The following RFFL variants were observed in gnomAD, a reference collection of about 807,000 sequenced individuals.
RFFL encodes the protein E3 ubiquitin-protein ligase rififylin.
Under a neutral mutation model 40.4 loss-of-function variants are expected in RFFL, and 16 were observed. The ratio of observed to expected loss-of-function variants is 0.40; its 90% confidence interval spans 0.27 to 0.60. The LOEUF (loss-of-function observed/expected upper bound fraction) is 0.60. RFFL is among the 20% of genes least tolerant of loss of function. The pLI, the probability that RFFL is intolerant of heterozygous loss-of-function variation, is 0.47. For synonymous variants in RFFL, 154 were observed against 167.9 expected, an observed-to-expected ratio of 0.92 and a Z score of 0.64; for missense variants, 367 against 451.7, an observed-to-expected ratio of 0.81 and a Z score of 1.70.
chr17:35,088,077 T>C (rs865896467), intron 1 of RFFL, among the ~76,000 whole-genome samples: 4 of 152,124 alleles, frequency 2.6e-5, no homozygotes, highest in Non-Finnish European at 4.4e-5. Context: ...CCCAAACAGT[T>C]GCAGCGACAG....
At position 35,011,840 on chromosome 17, in the gene RFFL, T is replaced by A; in HGVS notation, c.*128A>T. 1.1e-6 allele frequency: 1 copy of A among 882,714 alleles called. No homozygotes were observed. The highest frequency in any genetic ancestry group is 1.6e-5 in the South Asian group (1 of 61,942). 54.7% of individuals were successfully genotyped at this position (882,714 alleles called of 1,614,324 possible). On this transcript the variant is annotated 3_prime_UTR_variant, in exon 7 of 7. Transcript: ENST00000394597. The stretch of plus-strand genomic sequence containing the variant: ...GCATGCTCAGGGGTGACATGGCATC[T>A]TGCTTGACCTGGTTTTGGGAACCCT...
intron 1 of RFFL, among the ~76,000 whole-genome samples, chr17:35,047,827 C>A (rs185639423): frequency 6.6e-6 from 1 of 151,764 alleles, no homozygotes; most frequent in East Asian, 2.0e-4. Context: ...TCTTGGCTCA[C>A]TGCAGCCTCT....
At chr17:35,012,519 T>C (rs1393961324) in intron 6 of RFFL, among the ~76,000 whole-genome samples, 1 of 152,208 alleles carries the variant, frequency 6.6e-6, no homozygotes, top group African/African-American at 2.4e-5. Flanking sequence ...AGGGACTCAT[T>C]ATCCCCTGAG....
rs2090903423 is a variant in RFFL, at chr17:35,007,487, G to A, written c.*4481C>T. 1 of 152,224 alleles carries A rather than the reference G, an allele frequency of 6.6e-6. No homozygotes were observed. The allele number at this position is 152,224 out of a possible 1,614,324, so 9.4% of individuals were successfully genotyped here. A position where few individuals can be genotyped will look rare whatever the true frequency, so the allele number is the denominator to read the frequency against. On this transcript the variant is annotated 3_prime_UTR_variant, in exon 7 of 7. Coordinates refer to ENST00000394597, the MANE Select transcript of RFFL (RefSeq NM_001017368.2). ...TGCTGCTGGCTGGCATCAAGCAGAG[G>A]TCATCACTGGGTGCTGAACAGGTCA...
chr17:35,014,719 CAAACAG>C lies in RFFL; in HGVS notation c.910+15_910+20del. ...GGACAAAAGGGCCTAAGCCCATTCC[CAAACAG>C]AAACAACTACATACCGTTTTGGTCT... is the stretch of plus-strand genomic sequence containing the variant. On this transcript the variant is annotated intron_variant, in intron 6 of 6. Transcript: ENST00000394597. The C allele has an allele frequency of 6.2e-7, 1 of 1,611,730 alleles. No homozygotes were observed. The highest frequency in any genetic ancestry group is 8.5e-7 in the Non-Finnish European group (1 of 1,177,884).
At chr17:35,025,259 C>G (rs1418737494) in intron 2 of RFFL, 1 of 152,200 alleles carries the variant, frequency 6.6e-6, no homozygotes, top group Non-Finnish European at 1.5e-5. Flanking sequence ...TGCTGAATGT[C>G]TTCTGGGAGG....
intron 1 of RFFL, chr17:35,069,346 T>A: frequency 2.2e-6 from 1 of 456,648 alleles, no homozygotes; most frequent in Non-Finnish European, 4.4e-6. Flanking sequence ...TGTTTCATCT[T>A]GAAGGGTGAT....
At position 35,026,495 on chromosome 17, in the gene RFFL, G is replaced by A. The variant is rs373834684; in HGVS notation, c.59C>T (p.Pro20Leu). The A allele has an allele frequency of 6.2e-7, 1 of 1,611,916 alleles. No individual in the cohort carries two copies. Among genetic ancestry groups the A allele is most frequent in the Non-Finnish European group, 8.5e-7 (1 of 1,179,340 alleles). ...GGCCTGCATCCTGGCTCCCTGGGGT[G>A]GTGGGACCTCCTCAGGCTGTCCATC... The part of the protein sequence containing the change: ...CLDGQPEEVP[P>L]PQGARMQAYS... Residue 20 changes from proline to leucine, a missense_variant, in exon 2 of 7, where the codon CCA (proline) becomes CTA (leucine). Pro to Leu is a moderately conservative substitution (Grantham distance 98). Coordinates refer to ENST00000394597, the MANE Select transcript of RFFL (RefSeq NM_001017368.2).
At chr17:35,046,024 C>CAA (rs369019064) in intron 1 of RFFL, among the ~76,000 whole-genome samples, 28 of 63,396 alleles carry the variant, frequency 4.4e-4, no homozygotes, top group African/African-American at 1.2e-3. Flanking sequence ...GACTCTGTCT[C>CAA]AAAAAAAAAA....
chr17:35,032,165 A>G (rs1278225239), intron 1 of RFFL, among the ~76,000 whole-genome samples: 1 of 151,930 alleles, frequency 6.6e-6, no homozygotes, highest in Admixed American at 6.5e-5. Flanking sequence ...CAGGGAGTAG[A>G]TGAGGGTACA....
intron 1 of RFFL, chr17:35,069,218 T>C: frequency 2.2e-6 from 1 of 456,550 alleles, no homozygotes; most frequent in Non-Finnish European, 4.4e-6. Flanking sequence ...CTGACACACA[T>C]GCCCTGCCTC....
At chr17:35,035,531 G>T (rs2091115599) in intron 1 of RFFL, among the ~76,000 whole-genome samples, 1 of 151,848 alleles carries the variant, frequency 6.6e-6, no homozygotes. Flanking sequence ...AGATCAGGTA[G>T]TGGCAAGATT....
chr17:35,043,301 T>C (rs972518522), intron 1 of RFFL, among the ~76,000 whole-genome samples: 11 of 152,162 alleles, frequency 7.2e-5, no homozygotes, highest in Non-Finnish European at 1.5e-5. Context: ...CAGGAATACA[T>C]TCCCTACACC....
intron 1 of RFFL, among the ~76,000 whole-genome samples, chr17:35,056,952 G>C (rs2091265105): frequency 7.4e-6 from 1 of 135,682 alleles, no homozygotes; most frequent in Admixed American, 7.4e-5. Context: ...TTTCACTTTT[G>C]TTACCCAGGC....
chr17:35,071,575 A>T lies in RFFL; in HGVS notation c.-9+17530T>A, dbSNP rs1290643024. Among the ~76,000 whole-genome samples, 4 of 151,656 alleles carry T rather than the reference A, an allele frequency of 2.6e-5. No homozygotes were observed. In the South Asian group the frequency reaches 8.3e-4, roughly 32 times the overall value. On this transcript the variant is annotated intron_variant, in intron 1 of 6. Transcript: ENST00000315249. ...AGAGGTTGCAGTGAGCTGAGATCGC[A>T]CCATTGCACTCCAGCCTGGGTGATA... is the stretch of plus-strand genomic sequence containing the variant.
intron 3 of RFFL, chr17:35,018,654 G>A (rs1005811783): frequency 1.3e-5 from 2 of 152,406 alleles, no homozygotes; most frequent in East Asian, 1.9e-4. Flanking sequence ...ATAATATGGA[G>A]CTAATCAAGA....
chr17:35,062,456 G>A (rs1168421899), intron 1 of RFFL, among the ~76,000 whole-genome samples: 2 of 152,074 alleles, frequency 1.3e-5, no homozygotes, highest in Non-Finnish European at 2.9e-5. Flanking sequence ...GTACAGTACA[G>A]GCTCTTGCTC....
In RFFL at chr17:35,021,664, C is replaced by G. The variant is rs779750232; in HGVS notation, c.298G>C (p.Glu100Gln). The change falls in exon 3 of 7, where the codon GAG becomes CAG. Residue 100 changes from glutamate (E) to glutamine (Q), a missense_variant. Glu to Gln is a conservative substitution (Grantham distance 29). Coordinates refer to ENST00000394597, the MANE Select transcript of RFFL (RefSeq NM_001017368.2). Reference sequence around the variant, plus strand: ...TCCTTCACCTTCATCTTCATGAGCTCCTCTCGCTGAAAGGCTGTAGCTCGA... The same window carrying G: ...TCCTTCACCTTCATCTTCATGAGCTGCTCTCGCTGAAAGGCTGTAGCTCGA... The part of the protein sequence containing the change: ...RFRATAFQRE[E>Q]LMKMKVKDLR... 2.5e-6 allele frequency: 4 copies of G among 1,614,220 alleles called. No individual in the cohort carries two copies. Among genetic ancestry groups the G allele is most frequent in the Non-Finnish European group, 3.4e-6 (4 of 1,180,040 alleles).
chr17:35,029,626 T>C (rs2091068715), intron 1 of RFFL, among the ~76,000 whole-genome samples: 1 of 151,142 alleles, frequency 6.6e-6, no homozygotes, highest in Non-Finnish European at 1.5e-5. Flanking sequence ...GTTCACACCA[T>C]TCTCCTGCCT....
Sources: gnomAD v4.1 joint callset for allele counts (sites outside exome capture counted in the v4.1 genomes callset) on GRCh38, gnomAD v4.1.1 for gene constraint, MANE v1.5 for transcripts, NCBI Gene and HGNC (gene_info 2026-07-23, HGNC 2026-07-21) for gene names.